The following HDAC9 variants were observed in gnomAD, a reference collection of about 807,000 sequenced individuals.
HDAC9 encodes the protein MEF-2 interacting transcription repressor (MITR) protein.
Under a neutral mutation model 139.4 loss-of-function variants are expected in HDAC9, and 41 were observed. The observed-to-expected ratio is 0.29, with a 90% CI of 0.23 to 0.38. The LOEUF is 0.38. Ranked by LOEUF, HDAC9 falls within the 10% of genes least tolerant of loss-of-function variation. The pLI, the probability that HDAC9 is intolerant of heterozygous loss-of-function variation, is 1.00. For synonymous variants in HDAC9, 517 were observed against 476.2 expected, an observed-to-expected ratio of 1.09 and a Z score of -1.12; for missense variants, 1,147 against 1,297.0, an observed-to-expected ratio of 0.88 and a Z score of 1.78.
chr7:18,853,576 T>C (rs983358905), intron 21 of HDAC9, among the ~76,000 whole-genome samples: 1 of 152,186 alleles, frequency 6.6e-6, no homozygotes, highest in Non-Finnish European at 1.5e-5. Flanking sequence ...ACTAGACTTC[T>C]TACTGTGTTA....
At chr7:18,264,166 A>AACACTG (rs1188128295) in intron 2 of HDAC9, among the ~76,000 whole-genome samples, 1 of 152,198 alleles carries the variant, frequency 6.6e-6, no homozygotes, top group Non-Finnish European at 1.5e-5. Context: ...AGACATGAAC[A>AACACTG]ACACTGAAAA....
At chr7:18,812,006 T>G (rs983953322) in intron 17 of HDAC9, among the ~76,000 whole-genome samples, 4 of 151,932 alleles carry the variant, frequency 2.6e-5, no homozygotes, top group East Asian at 1.9e-4. Context: ...GCTTATGCAA[T>G]CCTCCGTATA....
intron 14 of HDAC9, among the ~76,000 whole-genome samples, chr7:18,750,515 A>G (rs1212521466): frequency 6.6e-6 from 1 of 151,962 alleles, no homozygotes; most frequent in Non-Finnish European, 1.5e-5. Context: ...TTACCTAGAA[A>G]CCCCAAAGTG....
chr7:18,708,580 G>A (rs1784111880), intron 12 of HDAC9, among the ~76,000 whole-genome samples: 1 of 152,148 alleles, frequency 6.6e-6, no homozygotes, highest in African/African-American at 2.4e-5. Context: ...TACTGGAAAG[G>A]GAGAGAAATA....
intron 1 of HDAC9, among the ~76,000 whole-genome samples, chr7:18,140,096 AGCC>A (rs1785782404): frequency 6.6e-6 from 1 of 152,182 alleles, no homozygotes; most frequent in Non-Finnish European, 1.5e-5. Context: ...CCATGATGAA[AGCC>A]ATGGCTAGAT....
chr7:18,670,717 C>A (rs1320431157), intron 12 of HDAC9, among the ~76,000 whole-genome samples: 2 of 151,950 alleles, frequency 1.3e-5, no homozygotes, highest in Non-Finnish European at 1.5e-5. Flanking sequence ...GTTGGTGCAA[C>A]GATTCTTTAT....
In HDAC9 at chr7:18,666,647, A is replaced by G. The variant is rs1018573372; in HGVS notation, c.1731+171A>G. The G allele has an allele frequency of 4.4e-5, 62 of 1,415,314 alleles. No homozygotes were observed. The African/African-American group carries it at 8.4e-4, about 19-fold the overall frequency. 87.7% of individuals were successfully genotyped at this position (1,415,314 alleles called of 1,614,324 possible). ...AATGCAGATATATGTATATATCTAT[A>G]TAGAGGTCTTTCTATATACTGATCT... On this transcript the variant is annotated intron_variant, in intron 12 of 25. Coordinates refer to ENST00000686413, the MANE Select transcript of HDAC9 (RefSeq NM_178425.4).
chr7:18,776,885 C>A (rs1362877946), intron 16 of HDAC9, among the ~76,000 whole-genome samples: 2 of 151,850 alleles, frequency 1.3e-5, no homozygotes, highest in African/African-American at 4.8e-5. Flanking sequence ...TTTGGGGACC[C>A]CATCTCACTC....
At chr7:18,968,863 C>G (rs1171441460) in intron 24 of HDAC9, among the ~76,000 whole-genome samples, 10 of 141,820 alleles carry the variant, frequency 7.1e-5, no homozygotes, top group Admixed American at 6.3e-4. Flanking sequence ...GGAGGCTGAG[C>G]CAGGAGAATG....
chr7:18,480,046 A>AT (rs1183426841), intron 1 of HDAC9, among the ~76,000 whole-genome samples: 1,378 of 49,554 alleles, frequency 0.028, 21 homozygotes, highest in African/African-American at 0.1. Flanking sequence ...CCTCCTTTCT[A>AT]TTTTTTTTTC....
chr7:18,684,790 ATATT>A (rs1782148844), intron 12 of HDAC9, among the ~76,000 whole-genome samples: 1 of 151,984 alleles, frequency 6.6e-6, no homozygotes, highest in Non-Finnish European at 1.5e-5. Flanking sequence ...ATGTATATGT[ATATT>A]TATGAGTGAA....
chr7:18,780,026 G>T (rs377628484), intron 16 of HDAC9, among the ~76,000 whole-genome samples: 1 of 152,036 alleles, frequency 6.6e-6, no homozygotes, highest in Non-Finnish European at 1.5e-5. Context: ...CTCCAAAAGC[G>T]CTTTTTCAAC....
intron 2 of HDAC9, among the ~76,000 whole-genome samples, chr7:18,236,912 A>G (rs1793859466): frequency 6.6e-6 from 1 of 152,154 alleles, no homozygotes; most frequent in Admixed American, 6.5e-5. Flanking sequence ...GGCAACGTGC[A>G]TCATGGTCTC....
chr7:18,619,548 C>G (rs868784919), intron 6 of HDAC9, among the ~76,000 whole-genome samples: 153 of 152,152 alleles, frequency 1.0e-3, no homozygotes, highest in African/African-American at 3.5e-3. Context: ...ATTTCTTTAA[C>G]TTGACTATGA....
chr7:18,395,119 A>G (rs2128727458), intron 1 of HDAC9: 1 of 152,252 alleles, frequency 6.6e-6, no homozygotes, highest in Non-Finnish European at 1.5e-5. Flanking sequence ...AAATAGGAGT[A>G]CCTGGTAAAA....
chr7:18,642,432 A>G (rs543038172), intron 8 of HDAC9, among the ~76,000 whole-genome samples: 1 of 152,110 alleles, frequency 6.6e-6, no homozygotes, highest in Non-Finnish European at 1.5e-5. Flanking sequence ...GCAGCTGTCA[A>G]CAAATCTCAT....
intron 3 of HDAC9, among the ~76,000 whole-genome samples, chr7:18,588,445 A>T (rs116887737): frequency 1.3e-5 from 2 of 152,328 alleles, no homozygotes; most frequent in East Asian, 3.9e-4. Flanking sequence ...CAAGTCAAAA[A>T]TATAAAATTC....
At chr7:18,165,325 T>C (rs116867020) in intron 2 of HDAC9, among the ~76,000 whole-genome samples, 1 of 152,146 alleles carries the variant, frequency 6.6e-6, no homozygotes, top group African/African-American at 2.4e-5. Context: ...TTGCTATGAC[T>C]TGGCAAAGTG....
At chr7:18,905,541 T>A (rs1445923455) in intron 22 of HDAC9, among the ~76,000 whole-genome samples, 3 of 152,234 alleles carry the variant, frequency 2.0e-5, no homozygotes, top group African/African-American at 7.2e-5. Flanking sequence ...TGTTAAAGAT[T>A]ATTGCCACAG....
Sources: allele counts gnomAD v4.1 joint callset (sites outside exome capture counted in the v4.1 genomes callset), GRCh38; gene constraint gnomAD v4.1.1; transcripts MANE v1.5; gene names NCBI Gene and HGNC (gene_info 2026-07-23, HGNC 2026-07-21).